Variants in GSDMB observed in about 807,000 individuals in gnomAD.
GSDMB encodes the protein gasdermin B.
A neutral mutation model predicts 42.9 loss-of-function variants in GSDMB; 32 were observed. The ratio of observed to expected loss-of-function variants is 0.75; its 90% CI spans 0.56 to 1.00. GSDMB has a LOEUF of 1.00. Ranked by LOEUF, GSDMB falls within the 50% of genes least tolerant of loss-of-function variation. The pLI, the probability that GSDMB is intolerant of heterozygous loss-of-function variation, is 0.00. For synonymous variants in GSDMB, 175 were observed against 193.7 expected (o/e 0.90, Z 0.80); for missense variants, 468 against 498.5 (o/e 0.94, Z 0.58).
chr17:39,916,935 G>A lies in GSDMB; in HGVS notation c.235+147C>T, dbSNP rs373967712. On this transcript the variant is annotated intron_variant, in intron 2 of 10. Coordinates refer to ENST00000418519, the MANE Select transcript of GSDMB (RefSeq NM_001165958.2). ...TCCTCCCACCATGCAGCTCTTCCGTGCATTTCTTAAATTAAGGTGTGTGGA... is the reference window on the plus strand; with the variant it reads ...TCCTCCCACCATGCAGCTCTTCCGTACATTTCTTAAATTAAGGTGTGTGGA... 4 of 604,722 alleles carry A rather than the reference G, an allele frequency of 6.6e-6. No homozygotes were observed. In the South Asian group the frequency reaches 8.3e-5, roughly 13 times the overall value. The allele number at this position is 604,722 out of a possible 1,614,324, so 37.5% of individuals were successfully genotyped here. A position where few individuals can be genotyped will look rare whatever the true frequency, so the allele number is the denominator to read the frequency against.
At chr17:39,918,256 G>C (rs1211182072) in intron 1 of GSDMB, 1 of 152,068 alleles carries the variant, frequency 6.6e-6, no homozygotes, top group East Asian at 1.9e-4. Context: ...CAAGGCAATT[G>C]GATGGGTGCC....
At chr17:39,916,938 T>C in intron 2 of GSDMB, 144 bp downstream of exon 2, 1 of 607,464 alleles carries the variant, frequency 1.6e-6, no homozygotes. Flanking sequence ...CTTCCGTGCA[T>C]TTCTTAAATT....
intron 5 of GSDMB, 53 bp from the exon 6 acceptor site, chr17:39,908,267 A>G (rs1177820153): frequency 1.1e-6 from 1 of 946,912 alleles, no homozygotes; most frequent in South Asian, 1.4e-5. Context: ...GAGACCAGTT[A>G]TCACTCTGTA....
intron 2 of GSDMB, among the ~76,000 whole-genome samples, chr17:39,913,944 T>C (rs1258982774): frequency 1.3e-5 from 2 of 152,200 alleles, no homozygotes; most frequent in Non-Finnish European, 2.9e-5. Context: ...AAACAGTGAC[T>C]GAAATCACTA....
chr17:39,908,264 G>C (rs559334590), intron 5 of GSDMB, 50 bp from the exon 6 acceptor site: 1 of 952,178 alleles, frequency 1.1e-6, no homozygotes, highest in African/African-American at 1.8e-5. Flanking sequence ...GGAGAGACCA[G>C]TTATCACTCT....
chr17:39,912,134 T>C (rs966215785), intron 3 of GSDMB, among the ~76,000 whole-genome samples, 192 bp downstream of exon 3: 1 of 151,960 alleles, frequency 6.6e-6, no homozygotes, highest in Non-Finnish European at 1.5e-5. Context: ...AGGGGAGGGC[T>C]GAGGGAATCC....
chr17:39,911,080 T>G (rs2063598908), intron 3 of GSDMB, among the ~76,000 whole-genome samples: 1 of 152,064 alleles, frequency 6.6e-6, no homozygotes, highest in Non-Finnish European at 1.5e-5. Context: ...GGCAGGTGGA[T>G]CACCTGAGGT....
intron 5 of GSDMB, 36 bp downstream of exon 5, chr17:39,908,922 G>T: frequency 7.6e-7 from 1 of 1,320,422 alleles, no homozygotes; most frequent in Non-Finnish European, 1.1e-6. Flanking sequence ...GTGTGTTTAG[G>T]GCCCCCCATC....
intron 4 of GSDMB, 25 bp from the exon 5 acceptor site, chr17:39,909,067 G>A (rs751076225): frequency 4.4e-6 from 6 of 1,377,746 alleles, no homozygotes; most frequent in Admixed American, 4.1e-5. Context: ...TCACATTGAC[G>A]GATCCCCAGG....
At chr17:39,912,162 A>T (rs1268508045) in intron 3 of GSDMB, among the ~76,000 whole-genome samples, 164 bp downstream of exon 3, 1 of 152,124 alleles carries the variant, frequency 6.6e-6, no homozygotes, top group Non-Finnish European at 1.5e-5. Flanking sequence ...AGAGAGCGAG[A>T]GGCTGCCCTA....
intron 7 of GSDMB, chr17:39,906,565 C>A: frequency 7.4e-7 from 1 of 1,350,438 alleles, no homozygotes; most frequent in Non-Finnish European, 9.5e-7. Context: ...CCTTGCCATT[C>A]AAAGTGCAGT....
chr17:39,910,025 G>A (rs937364857), intron 3 of GSDMB, 101 bp from the exon 4 acceptor site: 8 of 896,938 alleles, frequency 8.9e-6, no homozygotes, highest in African/African-American at 1.7e-5. Flanking sequence ...AAGATTAATC[G>A]CTTCTGAGAC....
At chr17:39,905,723 T>C (rs1003586538) in intron 9 of GSDMB, 124 bp downstream of exon 9, 31 of 1,144,472 alleles carry the variant, frequency 2.7e-5, no homozygotes, top group Non-Finnish European at 1.4e-5. Context: ...GAGGAAGACA[T>C]GAAGGAGTGC....
chr17:39,908,066 G>C lies in GSDMB; in HGVS notation c.700+110C>G, dbSNP rs2063536789. The C allele has an allele frequency of 4.2e-6, 3 of 718,384 alleles. No individual in the cohort carries two copies. In the Admixed American group the frequency reaches 6.3e-5, roughly 15 times the overall value. The allele number at this position is 718,384 out of a possible 1,614,324, so 44.5% of individuals were successfully genotyped here. ...TGCGCTTGCCATGGTTCCCACCTGT[G>C]GGTGCGTCTTACCACATCCTCGGAC... On this transcript the variant is annotated intron_variant, in intron 6 of 10. Coordinates refer to ENST00000418519, the MANE Select transcript of GSDMB (RefSeq NM_001165958.2).
chr17:39,908,630 T>A (rs554551201), intron 5 of GSDMB, among the ~76,000 whole-genome samples: 13 of 152,240 alleles, frequency 8.5e-5, no homozygotes, highest in Non-Finnish European at 1.3e-4. Context: ...TCCGCCCACC[T>A]TGGCCTCCCA....
At chr17:39,915,817 A>G (rs1165936622) in intron 2 of GSDMB, among the ~76,000 whole-genome samples, 1 of 152,188 alleles carries the variant, frequency 6.6e-6, no homozygotes, top group Non-Finnish European at 1.5e-5. Context: ...GGCACACTGT[A>G]ATACTCTAAA....
At chr17:39,917,590 G>C (rs201413617) in intron 1 of GSDMB, 3,953 of 92,318 alleles carry the variant, frequency 0.043, 279 homozygotes, top group African/African-American at 0.4. Context: ...TCTCCCCGCC[G>C]CCGCCCTTAA....
Position 39,909,927 on chromosome 17 carries a change from GGA to G in GSDMB, c.408-5_408-4del. 1 of 1,609,588 alleles carries G rather than the reference GGA, an allele frequency of 6.2e-7. No homozygotes were observed. The highest frequency in any genetic ancestry group is 8.5e-7 in the Non-Finnish European group (1 of 1,176,422). The stretch of plus-strand genomic sequence containing the variant: ...AGGGTAGTTCCCTCTTCAGCTTCCT[GGA>G]GAGAGTGGAGAGAGATGAGAGTTAA... On this transcript the variant is annotated splice_region_variant and splice_polypyrimidine_tract_variant and intron_variant, in intron 3 of 10. Coordinates refer to ENST00000418519, the MANE Select transcript of GSDMB (RefSeq NM_001165958.2).
At chr17:39,905,143 A>C in intron 10 of GSDMB, 179 bp from the exon 11 acceptor site, 1 of 628,942 alleles carries the variant, frequency 1.6e-6, no homozygotes, top group Non-Finnish European at 2.8e-6. Flanking sequence ...AGGCTCTGCT[A>C]GTCAGTCTGC....
Sources: gnomAD v4.1 joint callset for allele counts (sites outside exome capture counted in the v4.1 genomes callset) on GRCh38, gnomAD v4.1.1 for gene constraint, MANE v1.5 for transcripts, NCBI Gene and HGNC (gene_info 2026-07-23, HGNC 2026-07-21) for gene names.